KHDRBS2: variants seen among roughly 807,000 people sequenced by gnomAD.
KHDRBS2 encodes KH RNA binding domain containing, signal transduction associated 2, also known as KH domain-containing, RNA-binding, signal transduction-associated protein 2.
KHDRBS2 carries 26 observed loss-of-function variants against 44.3 expected under a neutral mutation model. The observed-to-expected ratio is 0.59, with a 90% CI of 0.43 to 0.81. The LOEUF is 0.81. Ranked by LOEUF, KHDRBS2 falls within the 40% of genes least tolerant of loss-of-function variation. KHDRBS2 has a pLI of 0.00. For synonymous variants in KHDRBS2, 194 were observed against 151.1 expected (o/e 1.28, Z -2.08); for missense variants, 476 against 433.1 (o/e 1.10, Z -0.88).
intron 1 of KHDRBS2, among the ~76,000 whole-genome samples, chr6:62,265,243 T>C (rs1839002883): frequency 6.6e-6 from 1 of 151,940 alleles, no homozygotes. Context: ...ATACAATAAG[T>C]GATTAAATGA....
Position 61,894,697 on chromosome 6 carries a change from C to A in KHDRBS2, c.748G>T (p.Ala250Ser), listed in dbSNP as rs758414467. ...RGVPTPRARG[A>S]PTVPGYRAPP... The stretch of plus-strand genomic sequence containing the variant: ...GCCCTGTATCCTGGCACTGTTGGTG[C>A]CCCCCGGGCTCGAGGGGTAGGGACA... The change falls in exon 6 of 9, where the codon GCA becomes TCA. Residue 250 changes from alanine to serine, a missense_variant. Ala to Ser is a moderately conservative substitution (Grantham distance 99). Transcript: ENST00000281156. The A allele has an allele frequency of 6.2e-7, 1 of 1,612,490 alleles. No individual in the cohort carries two copies. The highest frequency in any genetic ancestry group is 8.5e-7 in the Non-Finnish European group (1 of 1,179,352).
chr6:62,094,639 G>T (rs1800178522), intron 2 of KHDRBS2, among the ~76,000 whole-genome samples: 2 of 151,772 alleles, frequency 1.3e-5, no homozygotes, highest in African/African-American at 4.8e-5. Context: ...CCCTGCCTAG[G>T]CCAATGTCAT....
the KHDRBS2 span, among the ~76,000 whole-genome samples, chr6:61,566,012 T>C: frequency 6.6e-6 from 1 of 151,768 alleles, no homozygotes; most frequent in African/African-American, 2.4e-5. Context: ...TGTGTGTGTG[T>C]GTGTGTGTGT....
chr6:61,931,954 A>C (rs1810134786), intron 4 of KHDRBS2, among the ~76,000 whole-genome samples: 2 of 152,068 alleles, frequency 1.3e-5, no homozygotes, highest in African/African-American at 4.8e-5. Context: ...TAGTAAATAT[A>C]TTTTCTCTTT....
the KHDRBS2 span, among the ~76,000 whole-genome samples, chr6:61,582,748 A>G: frequency 6.6e-6 from 1 of 151,588 alleles, no homozygotes; most frequent in Non-Finnish European, 1.5e-5. Context: ...TTAAAGCTTT[A>G]AGATATATAT....
intron 1 of KHDRBS2, among the ~76,000 whole-genome samples, chr6:62,187,615 AC>A (rs1325699461): frequency 6.6e-6 from 1 of 152,132 alleles, no homozygotes; most frequent in Non-Finnish European, 1.5e-5. Context: ...TGACTCCATC[AC>A]TGCAATTAGT....
At chr6:61,597,734 A>ATT in the KHDRBS2 span, among the ~76,000 whole-genome samples, 3 of 33,080 alleles carry the variant, frequency 9.1e-5, no homozygotes, top group African/African-American at 6.7e-4. Flanking sequence ...TGCACCTTTT[A>ATT]TATATATATA....
At chr6:62,280,551 C>T (rs1841655348) in intron 1 of KHDRBS2, among the ~76,000 whole-genome samples, 1 of 152,012 alleles carries the variant, frequency 6.6e-6, no homozygotes, top group Non-Finnish European at 1.5e-5. Context: ...AGTTTCAGGA[C>T]AGTGATGAAG....
chr6:61,788,914 GT>G, intron 6 of KHDRBS2, among the ~76,000 whole-genome samples: 1 of 151,064 alleles, frequency 6.6e-6, no homozygotes, highest in Non-Finnish European at 1.5e-5. Flanking sequence ...TATAAAAATA[GT>G]GAAGATAAAT....
intron 3 of KHDRBS2, among the ~76,000 whole-genome samples, chr6:62,046,198 A>G (rs1211474701): frequency 6.6e-6 from 1 of 151,934 alleles, no homozygotes; most frequent in Non-Finnish European, 1.5e-5. Context: ...TTTGTTTCCT[A>G]TTGGATTTTC....
the KHDRBS2 span, among the ~76,000 whole-genome samples, chr6:61,543,371 T>G: frequency 2.6e-5 from 4 of 151,946 alleles, no homozygotes; most frequent in Admixed American, 2.6e-4. Flanking sequence ...TGCTCATCAA[T>G]GATCATTAGA....
At chr6:61,542,793 C>T in the KHDRBS2 span, among the ~76,000 whole-genome samples, 1 of 151,818 alleles carries the variant, frequency 6.6e-6, no homozygotes, top group Admixed American at 6.6e-5. Flanking sequence ...TATATATTCA[C>T]CACAAAATTC....
intron 1 of KHDRBS2, among the ~76,000 whole-genome samples, chr6:62,215,364 T>C (rs1263580279): frequency 6.6e-6 from 1 of 151,698 alleles, no homozygotes; most frequent in Non-Finnish European, 1.5e-5. Context: ...GAGAGTAGCT[T>C]ACTGTAGACG....
intron 6 of KHDRBS2, among the ~76,000 whole-genome samples, chr6:61,738,824 G>A (rs113474319): frequency 0.012 from 1,862 of 151,830 alleles, 34 homozygotes; most frequent in African/African-American, 0.042. Flanking sequence ...TCCAATTTTA[G>A]GTTGTCAAAT....
At chr6:61,551,866 G>T in the KHDRBS2 span, among the ~76,000 whole-genome samples, 1 of 151,872 alleles carries the variant, frequency 6.6e-6, no homozygotes, top group Non-Finnish European at 1.5e-5. Flanking sequence ...GGTTCCATGT[G>T]AATTTTAAAT....
At position 61,810,577 on chromosome 6, in the gene KHDRBS2, T is replaced by C. The variant is rs12198960; in HGVS notation, c.811-77813A>G. ...AAATAATGTAAAAATTTAATAAAAATGTATATTAGAATGAAAAAAAATACT... is the reference window on the plus strand; with the variant it reads ...AAATAATGTAAAAATTTAATAAAAACGTATATTAGAATGAAAAAAAATACT... On this transcript the variant is annotated intron_variant, in intron 6 of 8. Coordinates refer to ENST00000281156, the MANE Select transcript of KHDRBS2 (RefSeq NM_152688.4). Among the ~76,000 whole-genome samples, 696 of 152,118 alleles carry C rather than the reference T, an allele frequency of 4.6e-3. 2 individuals are homozygous for C. Among genetic ancestry groups the C allele is most frequent in the Non-Finnish European group, 7.5e-3 (511 of 67,978 alleles).
At chr6:61,607,750 C>A in the KHDRBS2 span, among the ~76,000 whole-genome samples, 3,718 of 152,108 alleles carry the variant, frequency 0.024, 71 homozygotes, top group Middle Eastern at 0.085. Flanking sequence ...TGCAGTGGTG[C>A]AATCTTGGCT....
chr6:61,589,074 G>A, the KHDRBS2 span, among the ~76,000 whole-genome samples: 2 of 151,900 alleles, frequency 1.3e-5, no homozygotes, highest in African/African-American at 4.8e-5. Context: ...TCAGGGGGTG[G>A]GGGTAGGGGG....
At chr6:62,119,589 G>C (rs1296026010) in intron 2 of KHDRBS2, among the ~76,000 whole-genome samples, 3 of 152,174 alleles carry the variant, frequency 2.0e-5, no homozygotes, top group Admixed American at 2.0e-4. Flanking sequence ...GATTGGAAAA[G>C]AATGGGACCC....
Sources: gnomAD v4.1 joint callset for allele counts (sites outside exome capture counted in the v4.1 genomes callset) on GRCh38, gnomAD v4.1.1 for gene constraint, MANE v1.5 for transcripts, NCBI Gene and HGNC (gene_info 2026-07-23, HGNC 2026-07-21) for gene names.